GSTT4: variants seen among roughly 807,000 people sequenced by gnomAD.
GSTT4 encodes the protein glutathione S-transferase theta-4.
At chr22:23,999,688 C>G (rs1458609462) in intron 4 of GSTT4, among the ~76,000 whole-genome samples, 3 of 138,094 alleles carry the variant, frequency 2.2e-5, no homozygotes, top group Admixed American at 1.4e-4. Flanking sequence ...GTCTGGAGCT[C>G]TGGGAAACAG....
At chr22:23,996,492 A>T (rs8141342), downstream of GSTT4, among the ~76,000 whole-genome samples, 25,176 of 152,104 alleles carry the variant, frequency 0.17, 2,217 homozygotes, top group African/African-American at 0.19. Flanking sequence ...TTTTTCATAG[A>T]TGCTTTTTGT....
rs555207350 is a variant in GSTT4, at chr22:24,005,302, T to C, written c.55A>G (p.Ile19Val). ...TGGATGTCATGCTTCTTCGAGAAGA[T>C]GTAGACGGCACGGCAGGGTGCTGAC... The part of the protein sequence containing the change: ...LLSAPCRAVY[I>V]FSKKHDIQFN... The change falls in exon 1 of 5, where the codon ATC (isoleucine) becomes GTC (valine). Residue 19 changes from isoleucine (I) to valine (V), a missense_variant. Transcript: ENST00000621179. 1 of 153,312 alleles carries C rather than the reference T, an allele frequency of 6.5e-6. No homozygotes were observed. The highest frequency in any genetic ancestry group is 2.4e-5 in the African/African-American group (1 of 41,482). The allele number at this position is 153,312 out of a possible 1,614,324, so 9.5% of individuals were successfully genotyped here.
At chr22:23,994,236 A>C (rs993365364), downstream of GSTT4, among the ~76,000 whole-genome samples, 1 of 152,056 alleles carries the variant, frequency 6.6e-6, no homozygotes, top group African/African-American at 2.4e-5. Flanking sequence ...TATCAGATAT[A>C]ATTCCCATAC....
intron 3 of GSTT4, 96 bp downstream of exon 3, chr22:24,001,079 T>C (rs1194803066): frequency 8.1e-6 from 1 of 123,760 alleles, no homozygotes; most frequent in African/African-American, 3.2e-5. Context: ...GAGACTTGCT[T>C]GAGGTCGCCG....
At chr22:23,997,221 TTTTG>T (rs932573223), downstream of GSTT4, among the ~76,000 whole-genome samples, 1 of 151,940 alleles carries the variant, frequency 6.6e-6, no homozygotes, top group Non-Finnish European at 1.5e-5. Flanking sequence ...TCATTTTTGT[TTTTG>T]TTTGTTTTTT....
At chr22:23,995,128 T>TGACTTGAAC (rs2034103112), downstream of GSTT4, among the ~76,000 whole-genome samples, 15 of 150,668 alleles carry the variant, frequency 1.0e-4, no homozygotes, top group South Asian at 2.1e-4. Flanking sequence ...ACAAGTTTTT[T>TGACTTGAAC]TTTTGTTTGT....
chr22:23,995,997 G>GC (rs2034111864), downstream of GSTT4, among the ~76,000 whole-genome samples: 1 of 148,334 alleles, frequency 6.7e-6, no homozygotes, highest in East Asian at 2.0e-4. Flanking sequence ...AGGCTGGAGT[G>GC]CAGTGGCTTG....
chr22:23,995,289 C>T (rs950490387), downstream of GSTT4, among the ~76,000 whole-genome samples: 21 of 152,264 alleles, frequency 1.4e-4, no homozygotes, highest in African/African-American at 4.8e-4. Flanking sequence ...TACGCCACCA[C>T]ACCCAGCTAA....
the GSTT4 span, among the ~76,000 whole-genome samples, chr22:23,991,817 G>C: frequency 7.3e-6 from 1 of 137,430 alleles, no homozygotes; most frequent in African/African-American, 2.6e-5. Flanking sequence ...CACTTTGGGA[G>C]ACCGAGGGGG....
At chr22:24,001,706 G>T (rs963871151) in intron 2 of GSTT4, among the ~76,000 whole-genome samples, 2 of 152,254 alleles carry the variant, frequency 1.3e-5, no homozygotes, top group South Asian at 2.1e-4. Flanking sequence ...ACAAAAACGG[G>T]GGGGCACGAT....
downstream of GSTT4, among the ~76,000 whole-genome samples, chr22:23,996,007 G>T (rs987037413): frequency 1.6e-4 from 25 of 152,112 alleles, no homozygotes; most frequent in East Asian, 4.6e-3. Flanking sequence ...GCAGTGGCTT[G>T]ATCTTGGCAC....
chr22:23,990,649 T>TAAACAAAC, the GSTT4 span, among the ~76,000 whole-genome samples: 63 of 46,056 alleles, frequency 1.4e-3, 10 homozygotes, highest in Middle Eastern at 0.012. Context: ...AATAAATAAA[T>TAAACAAAC]AAATAAACAA....
chr22:24,002,820 G>T (rs1291327171), intron 2 of GSTT4, among the ~76,000 whole-genome samples: 18 of 126,216 alleles, frequency 1.4e-4, no homozygotes, highest in Non-Finnish European at 2.5e-4. Context: ...AACAGAGCGA[G>T]ACTCCGTCTC....
chr22:23,990,645 T>TAAAC, the GSTT4 span, among the ~76,000 whole-genome samples: 87 of 64,708 alleles, frequency 1.3e-3, 12 homozygotes, highest in African/African-American at 4.1e-3. Context: ...AATAAATAAA[T>TAAAC]AAATAAATAA....
In GSTT4 at chr22:23,998,560, C is replaced by G. The variant is rs1023941848; in HGVS notation, c.708G>C (p.Leu236Phe). ...CCTAGGGTCACCTGCTCTTCTTCAG[C>G]AACTCAGAAATATTCTCCTTGACCA... ...DSMVKENISE[L>F]LKKSR The change falls in exon 5 of 5, where the codon TTG becomes TTC. Residue 236 changes from leucine to phenylalanine, a missense_variant. Leu to Phe is a conservative substitution (Grantham distance 22). Transcript: ENST00000621179. The G allele has an allele frequency of 6.6e-6, 1 of 150,936 alleles. No individual in the cohort carries two copies. The highest frequency in any genetic ancestry group is 1.5e-5 in the Non-Finnish European group (1 of 67,260). 9.3% of individuals were successfully genotyped at this position (150,936 alleles called of 1,614,324 possible).
chr22:24,003,791 G>A lies in GSTT4; in HGVS notation c.169C>T (p.Leu57Phe), dbSNP rs999161515. The stretch of plus-strand genomic sequence containing the variant: ...CTTAAGATAAATTTCCCATCTTTGA[G>A]GCTGGGCAGCTTCCTGAGGGGGTTG... The part of the protein sequence containing the change: ...DINPLRKLPS[L>F]KDGKFILSES... Residue 57 changes from leucine to phenylalanine, a missense_variant, in exon 2 of 5, where the codon CTC becomes TTC. Transcript: ENST00000621179. 5.1e-5 allele frequency: 8 copies of A among 155,898 alleles called. No individual in the cohort carries two copies. The highest frequency in any genetic ancestry group is 1.9e-4 in the African/African-American group (8 of 41,550). 9.7% of individuals were successfully genotyped at this position (155,898 alleles called of 1,614,324 possible). A position where few individuals can be genotyped will look rare whatever the true frequency, so the allele number is the denominator to read the frequency against.
At chr22:23,991,698 C>G in the GSTT4 span, among the ~76,000 whole-genome samples, 1 of 142,026 alleles carries the variant, frequency 7.0e-6, no homozygotes, top group South Asian at 2.4e-4. Flanking sequence ...CAATCAGTGG[C>G]GTGTCTGCTC....
chr22:23,989,849 C>T, the GSTT4 span, among the ~76,000 whole-genome samples: 1 of 149,846 alleles, frequency 6.7e-6, no homozygotes, highest in Non-Finnish European at 1.5e-5. Context: ...AGGCTCCAGT[C>T]TGATCATAGG....
chr22:23,996,942 G>A (rs1325189996), downstream of GSTT4, among the ~76,000 whole-genome samples: 1 of 152,052 alleles, frequency 6.6e-6, no homozygotes, highest in Non-Finnish European at 1.5e-5. Flanking sequence ...GAATTCACCA[G>A]GGAAGCCATC....
Sources: gnomAD v4.1 joint callset for allele counts (sites outside exome capture counted in the v4.1 genomes callset) on GRCh38, gnomAD v4.1.1 for gene constraint, MANE v1.5 for transcripts, NCBI Gene and HGNC (gene_info 2026-07-23, HGNC 2026-07-21) for gene names.